The following POM121 variants were observed in gnomAD, a reference collection of about 807,000 sequenced individuals.
POM121 encodes POM121 transmembrane nucleoporin, also known as nuclear envelope pore membrane protein POM 121.
Under a neutral mutation model 81.3 loss-of-function variants are expected in POM121, and 32 were observed. That is an observed-to-expected ratio of 0.39 (90% CI 0.30 to 0.53). The LOEUF is 0.53. POM121 is among the 20% of genes least tolerant of loss of function. POM121 has a pLI of 0.66. For missense variants in POM121, 1,138 were observed against 1,614.6 expected (o/e 0.70, Z 5.06); for synonymous variants, 514 against 694.2 (o/e 0.74, Z 4.08).
At chr7:72,883,938 C>CA (rs1481727810) in intron 1 of POM121, among the ~76,000 whole-genome samples, 3 of 151,994 alleles carry the variant, frequency 2.0e-5, no homozygotes, top group Non-Finnish European at 4.4e-5. Flanking sequence ...TTTTTGGAGA[C>CA]AGAGTCTCAC....
At chr7:72,889,987 C>T (rs1390263420) in intron 1 of POM121, among the ~76,000 whole-genome samples, 1 of 152,196 alleles carries the variant, frequency 6.6e-6, no homozygotes, top group Non-Finnish European at 1.5e-5. Context: ...CTAATTTGAT[C>T]CTCTTTTGTT....
chr7:72,924,892 G>A (rs1554496698), upstream of POM121: 2 of 625,474 alleles, frequency 3.2e-6, no homozygotes, highest in African/African-American at 3.9e-5. Flanking sequence ...ATCCTTCCAC[G>A]GGATCGCCTC....
At chr7:72,909,008 A>G (rs1442254190) in intron 3 of POM121, among the ~76,000 whole-genome samples, 1 of 152,210 alleles carries the variant, frequency 6.6e-6, no homozygotes, top group African/African-American at 2.4e-5. Flanking sequence ...TCACAAAAAT[A>G]TTGATTGGGG....
At position 72,897,942 on chromosome 7, in the gene POM121, C is replaced by G. The variant is rs533234977; in HGVS notation, c.-216+6832C>G. Among the ~76,000 whole-genome samples, 8 of 152,238 alleles carry G rather than the reference C, an allele frequency of 5.3e-5. No homozygotes were observed. The East Asian group carries it at 1.5e-3, about 29-fold the overall frequency. On this transcript the variant is annotated intron_variant, in intron 3 of 15. Transcript: ENST00000395270. ...GCTGAGGTGAGAGAATCGCTTTAGC[C>G]TGGGAAGTCATGGCTGCAGTGAGCT...
chr7:72,879,654 C>A (rs1333706775), exon 1 of POM121: 1 of 369,862 alleles, frequency 2.7e-6, no homozygotes, highest in South Asian at 2.0e-5. Context: ...GTGTCCTCGG[C>A]GGCCTGGCGC....
chr7:72,889,249 G>C (rs1313089983), intron 1 of POM121, among the ~76,000 whole-genome samples: 2 of 152,218 alleles, frequency 1.3e-5, no homozygotes, highest in African/African-American at 4.8e-5. Context: ...TGGATGTTCT[G>C]CTTTAGTTTC....
chr7:72,903,579 T>C (rs1391245283), intron 3 of POM121, among the ~76,000 whole-genome samples: 1 of 152,226 alleles, frequency 6.6e-6, no homozygotes, highest in Non-Finnish European at 1.5e-5. Flanking sequence ...GCAAAGTTTG[T>C]CTTCTTTTAC....
At chr7:72,903,398 C>T (rs1227547099) in intron 3 of POM121, among the ~76,000 whole-genome samples, 4 of 152,304 alleles carry the variant, frequency 2.6e-5, no homozygotes, top group Non-Finnish European at 4.4e-5. Context: ...GATCACACCA[C>T]TGCACTCCAG....
intron 1 of POM121, among the ~76,000 whole-genome samples, chr7:72,885,611 A>AT (rs1448644264): frequency 1.2e-4 from 18 of 148,266 alleles, no homozygotes; most frequent in Non-Finnish European, 2.1e-4. Context: ...TGAGTAATAC[A>AT]TGCATGGTAT....
chr7:72,924,545 A>T (rs1456584718), upstream of POM121: 2 of 152,398 alleles, frequency 1.3e-5, no homozygotes, highest in Non-Finnish European at 2.9e-5. Context: ...AACCATGACC[A>T]GTCACTTTCT....
At chr7:72,939,229 GGTT>G (rs1371438032) in intron 6 of POM121, 104 bp from the exon 7 acceptor site, 11 of 1,432,638 alleles carry the variant, frequency 7.7e-6, no homozygotes, top group Middle Eastern at 1.8e-4. Flanking sequence ...CTTAAATGAT[GGTT>G]GTTTTAGACA....
chr7:72,887,279 A>G (rs1454259869), intron 1 of POM121, among the ~76,000 whole-genome samples: 10 of 151,898 alleles, frequency 6.6e-5, no homozygotes, highest in Non-Finnish European at 1.5e-4. Context: ...GAACTCTCTC[A>G]GTGCTCTGTG....
intron 1 of POM121, among the ~76,000 whole-genome samples, chr7:72,883,466 T>A (rs1400028314): frequency 6.6e-6 from 1 of 152,122 alleles, no homozygotes. Flanking sequence ...TAAGGAATCT[T>A]TTTAAAAGGG....
intron 4 of POM121, among the ~76,000 whole-genome samples, chr7:72,919,449 C>G (rs1794602997): frequency 1.3e-5 from 2 of 151,876 alleles, no homozygotes; most frequent in Admixed American, 1.3e-4. Context: ...CATCCCTTAA[C>G]ATTTCTTATA....
chr7:72,915,486 C>T (rs1554494963), intron 4 of POM121, among the ~76,000 whole-genome samples: 1 of 152,140 alleles, frequency 6.6e-6, no homozygotes, highest in Non-Finnish European at 1.5e-5. Flanking sequence ...AATTCTTCTG[C>T]CTCATCCTCC....
intron 3 of POM121, among the ~76,000 whole-genome samples, chr7:72,900,738 A>G (rs1554492533): frequency 6.6e-6 from 1 of 152,068 alleles, no homozygotes; most frequent in Admixed American, 6.6e-5. Flanking sequence ...TCCTGGCCTT[A>G]AGAGATCTGC....
chr7:72,900,314 C>G (rs1792474338), intron 3 of POM121, among the ~76,000 whole-genome samples: 1 of 150,058 alleles, frequency 6.7e-6, no homozygotes, highest in Non-Finnish European at 1.5e-5. Flanking sequence ...AGGGTCTGTG[C>G]TAATAGCCTC....
In POM121 at chr7:72,904,978, A is replaced by G. The variant is rs538867096; in HGVS notation, c.-215-8787A>G. Among the ~76,000 whole-genome samples the G allele has an allele frequency of 6.3e-3, 961 of 152,150 alleles. 2 individuals are homozygous for G. Among genetic ancestry groups the G allele is most frequent in the Non-Finnish European group, 9.9e-3 (676 of 68,020 alleles). ...TGGGGTGAACCGCGCCCGTGATCCA[A>G]TCACCTTCCACCAGGTCCCTCCTTG... On this transcript the variant is annotated intron_variant, in intron 3 of 15. Coordinates refer to the POM121 transcript ENST00000395270.
Position 72,925,654 on chromosome 7 carries a change from G to A in POM121, c.533G>A (p.Arg178His), listed in dbSNP as rs1345895912. 2.0e-6 allele frequency: 2 copies of A among 995,136 alleles called. No individual in the cohort carries two copies. The highest frequency in any genetic ancestry group is 8.8e-5 in the East Asian group (1 of 11,328). The allele number at this position is 995,136 out of a possible 1,614,324, so 61.6% of individuals were successfully genotyped here. ...ARPAPRSPPP[R>H]SPPPRSPPPS... ...CCGGCGCCGCGCTCCCCACCGCCGC[G>A]CTCCCCACCGCCGCGCTCCCCCCCG... is the stretch of plus-strand genomic sequence containing the variant. The change falls in exon 1 of 13, where the codon CGC (arginine) becomes CAC (histidine). Residue 178 changes from arginine to histidine, a missense_variant. Coordinates refer to ENST00000434423, the MANE Select transcript of POM121 (RefSeq NM_001387691.1).
Sources: allele counts gnomAD v4.1 joint callset (sites outside exome capture counted in the v4.1 genomes callset), GRCh38; gene constraint gnomAD v4.1.1; transcripts MANE v1.5; gene names NCBI Gene and HGNC (gene_info 2026-07-23, HGNC 2026-07-21).